The following RFC1 variants were observed in gnomAD, a reference collection of about 807,000 sequenced individuals.
RFC1 encodes the protein replication factor C subunit 1, also known as A1 140 kDa subunit.
RFC1 carries 37 observed loss-of-function variants against 137.4 expected under a neutral mutation model. The ratio of observed to expected loss-of-function variants is 0.27; its 90% CI spans 0.21 to 0.35. The LOEUF (loss-of-function observed/expected upper bound fraction) is 0.35. Ranked by LOEUF, RFC1 falls within the 10% of genes least tolerant of loss-of-function variation. The pLI is 1.00. For synonymous variants in RFC1, 429 were observed against 455.7 expected (o/e 0.94, Z 0.75); for missense variants, 1,205 against 1,358.5 (o/e 0.89, Z 1.78).
intron 1 of RFC1, among the ~76,000 whole-genome samples, chr4:39,353,637 G>C (rs1214693311): frequency 6.6e-6 from 1 of 152,100 alleles, no homozygotes; most frequent in Non-Finnish European, 1.5e-5. Context: ...TCAAGTCTGA[G>C]GCTGACAACT....
rs749643454 is a variant in RFC1, at chr4:39,345,409, T to C, written c.200A>G (p.Tyr67Cys). The change falls in exon 3 of 25, where the codon TAT (tyrosine) becomes TGT (cysteine). Residue 67 changes from tyrosine (Y) to cysteine (C), a missense_variant. Physicochemically the swap from Tyr to Cys is radical, Grantham distance 194. This residue lies in a region of RFC1 where 962 missense variants were observed against 1,035.3 expected (regional missense o/e 0.93). Coordinates refer to ENST00000349703, the MANE Select transcript of RFC1 (RefSeq NM_002913.5). The stretch of plus-strand genomic sequence containing the variant: ...TCAGAAGAAATTATTACCTGAATCA[T>C]AGATGATCCTCTTTTTCTTGCTTGG... ...KQPSKKKRIIYDSDSESEETL... is the reference protein window; with the variant it reads ...KQPSKKKRIICDSDSESEETL... 11 of 1,613,562 alleles carry C rather than the reference T, an allele frequency of 6.8e-6. No individual in the cohort carries two copies. Among genetic ancestry groups the C allele is most frequent in the South Asian group, 6.6e-5 (6 of 91,076 alleles).
intron 4 of RFC1, among the ~76,000 whole-genome samples, chr4:39,339,520 T>C (rs1740513728): frequency 6.6e-6 from 1 of 152,190 alleles, no homozygotes; most frequent in Admixed American, 6.5e-5. Context: ...TTCATATACC[T>C]GTTGGCCACT....
intron 6 of RFC1, 95 bp from the exon 7 acceptor site, chr4:39,323,512 G>C (rs1739623683): frequency 9.9e-7 from 1 of 1,009,098 alleles, no homozygotes; most frequent in Non-Finnish European, 1.5e-6. Flanking sequence ...GAAGAAACTA[G>C]AAAAACATTT....
chr4:39,292,803 G>A (rs1038021519), intron 22 of RFC1, among the ~76,000 whole-genome samples: 7 of 150,118 alleles, frequency 4.7e-5, no homozygotes, highest in African/African-American at 7.3e-5. Context: ...CACCACACCC[G>A]GCTAATTTTT....
At position 39,366,098 on chromosome 4, in the gene RFC1, G is replaced by A. The variant is rs760718567; in HGVS notation, c.3+141C>T. The A allele has an allele frequency of 1.4e-5, 12 of 883,886 alleles. No homozygotes were observed. The African/African-American group carries it at 2.1e-4, about 16-fold the overall frequency. 54.8% of individuals were successfully genotyped at this position (883,886 alleles called of 1,614,324 possible). A position where few individuals can be genotyped will look rare whatever the true frequency, so the allele number is the denominator to read the frequency against. On this transcript the variant is annotated intron_variant, in intron 1 of 24. Coordinates refer to ENST00000349703, the MANE Select transcript of RFC1 (RefSeq NM_002913.5). ...GTTTTGCGTCCAGTGCCCGGTGTGC[G>A]GCCCCTTCTCTGCCTTTGCTAGCCT...
intron 6 of RFC1, among the ~76,000 whole-genome samples, chr4:39,324,875 A>T (rs1216847832): frequency 6.6e-6 from 1 of 152,206 alleles, no homozygotes; most frequent in Non-Finnish European, 1.5e-5. Flanking sequence ...GGAAAGTGAC[A>T]CTTAAGCTAA....
At chr4:39,328,239 A>G (rs1393419496) in intron 4 of RFC1, among the ~76,000 whole-genome samples, 1 of 152,192 alleles carries the variant, frequency 6.6e-6, no homozygotes, top group African/African-American at 2.4e-5. Context: ...GTAATACGCT[A>G]TATCCCCCAG....
At chr4:39,302,221 C>T (rs1738394708) in intron 19 of RFC1, 57 bp downstream of exon 19, 1 of 1,062,484 alleles carries the variant, frequency 9.4e-7, no homozygotes, top group Non-Finnish European at 1.5e-6. Context: ...AAGCTACCTA[C>T]AGAACAAGAA....
chr4:39,348,360 T>C (rs1046180396), intron 2 of RFC1, among the ~76,000 whole-genome samples: 1 of 145,570 alleles, frequency 6.9e-6, no homozygotes, highest in South Asian at 2.2e-4. Context: ...GAGGCAGAGG[T>C]TGCAGTGAGC....
At position 39,351,163 on chromosome 4, in the gene RFC1, A is replaced by T. The variant is rs576116943; in HGVS notation, c.132+185T>A. On this transcript the variant is annotated intron_variant, in intron 2 of 24. Transcript: ENST00000349703. ...CTACTCGGGAGACTGAGGCAGGAGAATGGCATGAACCCAGGAGGCGGAGCT... is the reference window on the plus strand; with the variant it reads ...CTACTCGGGAGACTGAGGCAGGAGATTGGCATGAACCCAGGAGGCGGAGCT... Among the ~76,000 whole-genome samples the T allele has an allele frequency of 2.0e-5, 3 of 147,404 alleles. No individual in the cohort carries two copies. The South Asian group carries it at 6.8e-4, about 34-fold the overall frequency.
intron 1 of RFC1, among the ~76,000 whole-genome samples, chr4:39,359,443 T>C (rs1201559361): frequency 1.3e-5 from 2 of 152,220 alleles, no homozygotes; most frequent in Non-Finnish European, 2.9e-5. Context: ...ACTATTATTC[T>C]AAGTGAAGTA....
chr4:39,319,198 C>CTAT (rs375921793), intron 9 of RFC1, among the ~76,000 whole-genome samples: 1 of 152,096 alleles, frequency 6.6e-6, no homozygotes, highest in African/African-American at 2.4e-5. Context: ...TCATTAGGTA[C>CTAT]TATTATTATT....
intron 12 of RFC1, among the ~76,000 whole-genome samples, chr4:39,309,447 GAAAC>G (rs1359493038): frequency 1.3e-5 from 2 of 152,234 alleles, no homozygotes; most frequent in African/African-American, 2.4e-5. Context: ...AACTGAAAAA[GAAAC>G]AAAATAGGAT....
chr4:39,361,352 A>G (rs1193044878), intron 1 of RFC1, among the ~76,000 whole-genome samples: 1 of 152,078 alleles, frequency 6.6e-6, no homozygotes, highest in East Asian at 1.9e-4. Context: ...TCACGCCACC[A>G]CACTCCAGCC....
At chr4:39,336,880 G>GA (rs1440160711) in intron 4 of RFC1, among the ~76,000 whole-genome samples, 5 of 151,898 alleles carry the variant, frequency 3.3e-5, no homozygotes, top group South Asian at 2.1e-4. Context: ...AGCAAATTTT[G>GA]AAAAAAACTT....
Position 39,313,411 on chromosome 4 carries a change from T to C in RFC1, c.1204-480A>G, listed in dbSNP as rs565636309. On this transcript the variant is annotated intron_variant, in intron 10 of 24. Coordinates refer to ENST00000349703, the MANE Select transcript of RFC1 (RefSeq NM_002913.5). ...CTGTTAATGTTTCGAAACAATGTAC[T>C]TTAAAATCAGAATCACTTCTTATCA... is the stretch of plus-strand genomic sequence containing the variant. Among the ~76,000 whole-genome samples, 13 of 152,386 alleles carry C rather than the reference T, an allele frequency of 8.5e-5. No homozygotes were observed. In the South Asian group the frequency reaches 2.3e-3, roughly 27 times the overall value.
At chr4:39,356,324 G>A (rs1009353265) in intron 1 of RFC1, among the ~76,000 whole-genome samples, 18 of 152,098 alleles carry the variant, frequency 1.2e-4, no homozygotes, top group East Asian at 1.9e-4. Context: ...GCTTGAGCCC[G>A]GGAAGTGGAG....
chr4:39,290,150 A>G (rs2109571266), intron 23 of RFC1, 111 bp from the exon 24 acceptor site: 1 of 686,394 alleles, frequency 1.5e-6, no homozygotes, highest in African/African-American at 1.8e-5. Flanking sequence ...TTTGCAAAGT[A>G]TTTATGTATA....
intron 22 of RFC1, among the ~76,000 whole-genome samples, chr4:39,292,478 C>T (rs1003884522): frequency 7.9e-5 from 12 of 152,166 alleles, no homozygotes; most frequent in African/African-American, 2.9e-4. Context: ...CATAAAATGA[C>T]TCTTTCTTTC....
Sources: gnomAD v4.1 joint callset for allele counts (sites outside exome capture counted in the v4.1 genomes callset) on GRCh38, gnomAD v4.1.1 for gene constraint, gnomAD v4.1.1 regional missense constraint, MANE v1.5 for transcripts, NCBI Gene and HGNC (gene_info 2026-07-23, HGNC 2026-07-21) for gene names.